Variants in MSRA observed in about 807,000 individuals in gnomAD.
The protein encoded by MSRA is mitochondrial peptide methionine sulfoxide reductase.
Under a neutral mutation model 31.3 loss-of-function variants are expected in MSRA, and 54 were observed. The observed-to-expected ratio is 1.73, with a 90% CI of 1.39 to 2.17. The LOEUF is 2.17. Ranked by LOEUF, MSRA falls within the 30% of genes most tolerant of loss-of-function variation. The pLI is 0.00. For missense variants in MSRA, 507 were observed against 300.9 expected (o/e 1.69, Z -5.07); for synonymous variants, 169 against 116.5 (o/e 1.45, Z -2.90).
chr8:10,283,836 T>TATATATATATATATATACACAC (rs1261287031), intron 3 of MSRA, among the ~76,000 whole-genome samples: 6 of 53,156 alleles, frequency 1.1e-4, no homozygotes, highest in Admixed American at 2.5e-4. Flanking sequence ...TATATATATA[T>TATATATATATATATATACACAC]ACACACACAC....
At chr8:10,104,472 C>G (rs1435033157) in intron 1 of MSRA, among the ~76,000 whole-genome samples, 2 of 152,050 alleles carry the variant, frequency 1.3e-5, no homozygotes, top group Non-Finnish European at 2.9e-5. Flanking sequence ...CTGGTTTGAT[C>G]TGGAAGGGCA....
At chr8:10,284,772 C>A (rs978311285) in intron 3 of MSRA, among the ~76,000 whole-genome samples, 1 of 152,130 alleles carries the variant, frequency 6.6e-6, no homozygotes, top group African/African-American at 2.4e-5. Flanking sequence ...CTGTGCCTAA[C>A]TGTCCTCATC....
intron 2 of MSRA, among the ~76,000 whole-genome samples, chr8:10,213,466 T>G: frequency 8.0e-6 from 1 of 125,488 alleles, no homozygotes; most frequent in Non-Finnish European, 1.6e-5. Context: ...TGAGACAGAG[T>G]CTTGCCCTCA....
intron 5 of MSRA, among the ~76,000 whole-genome samples, chr8:10,396,092 C>G (rs1445276538): frequency 2.6e-5 from 4 of 152,194 alleles, no homozygotes; most frequent in Non-Finnish European, 4.4e-5. Flanking sequence ...CTTTTCATCT[C>G]TCAGGCCTGA....
At chr8:10,418,802 A>G (rs1177217577) in intron 5 of MSRA, among the ~76,000 whole-genome samples, 2 of 103,796 alleles carry the variant, frequency 1.9e-5, no homozygotes, top group Non-Finnish European at 3.6e-5. Flanking sequence ...TGTTATGTGT[A>G]TTTTACTACG....
chr8:10,111,100 C>T (rs1280096688), intron 1 of MSRA, among the ~76,000 whole-genome samples: 1 of 152,118 alleles, frequency 6.6e-6, no homozygotes, highest in Non-Finnish European at 1.5e-5. Flanking sequence ...ATCTTAGTCT[C>T]CCAGTAGGAC....
At chr8:10,110,670 T>A (rs1472634528) in intron 1 of MSRA, among the ~76,000 whole-genome samples, 4 of 152,366 alleles carry the variant, frequency 2.6e-5, no homozygotes, top group African/African-American at 4.8e-5. Flanking sequence ...TCAAATGTCT[T>A]GATTTTCACA....
At chr8:10,197,265 C>T (rs2409623) in intron 1 of MSRA, among the ~76,000 whole-genome samples, 73,361 of 151,966 alleles carry the variant, frequency 0.48, 17,983 homozygotes, top group South Asian at 0.59. Flanking sequence ...TTATCACAGA[C>T]GCCTAAGTTA....
chr8:10,164,478 G>A (rs1804946397), intron 1 of MSRA, among the ~76,000 whole-genome samples: 1 of 152,122 alleles, frequency 6.6e-6, no homozygotes, highest in Admixed American at 6.6e-5. Context: ...GGCTGTGCTG[G>A]TTTTGACCCC....
intron 1 of MSRA, among the ~76,000 whole-genome samples, chr8:10,153,063 A>G (rs991826634): frequency 6.6e-6 from 1 of 152,214 alleles, no homozygotes; most frequent in Admixed American, 6.5e-5. Context: ...TGCAAGGTGA[A>G]AAATTGCTGG....
rs1037131171 is a variant in MSRA at position 10,336,429 on chromosome 8, A to T, written c.543+16440A>T. Among the ~76,000 whole-genome samples the T allele has an allele frequency of 5.3e-4, 81 of 151,688 alleles. 1 individual carries two copies. The highest frequency in any genetic ancestry group is 4.8e-3 in the Admixed American group (73 of 15,238). ...CAAGCACATGTGATAGAAAAAAAAA[A>T]TTTTAATCCTTTTTTTTTTTTCATT... On this transcript the variant is annotated intron_variant, in intron 5 of 5. Coordinates refer to ENST00000317173, the MANE Select transcript of MSRA (RefSeq NM_012331.5).
intron 5 of MSRA, chr8:10,353,864 C>T (rs1320171018): frequency 5.0e-6 from 1 of 200,720 alleles, no homozygotes; most frequent in Admixed American, 5.7e-5. Flanking sequence ...GGAAACTTTA[C>T]ATTTCAGAAA....
At chr8:10,219,991 T>C (rs1810353291) in intron 2 of MSRA, among the ~76,000 whole-genome samples, 1 of 151,952 alleles carries the variant, frequency 6.6e-6, no homozygotes, top group Non-Finnish European at 1.5e-5. Context: ...TGGGATTCAG[T>C]TGAAGCAACA....
At chr8:10,419,370 T>G (rs1808676496) in intron 5 of MSRA, among the ~76,000 whole-genome samples, 1 of 152,180 alleles carries the variant, frequency 6.6e-6, no homozygotes, top group South Asian at 2.1e-4. Context: ...GCATGTGAAT[T>G]TGAATAAGAT....
At chr8:10,308,908 G>A (rs1391876263) in intron 4 of MSRA, among the ~76,000 whole-genome samples, 1 of 152,214 alleles carries the variant, frequency 6.6e-6, no homozygotes, top group East Asian at 1.9e-4. Context: ...AGGATTAAAT[G>A]GAATTAGGAT....
At chr8:10,412,833 G>C (rs1429805934) in intron 5 of MSRA, among the ~76,000 whole-genome samples, 1 of 152,228 alleles carries the variant, frequency 6.6e-6, no homozygotes, top group African/African-American at 2.4e-5. Flanking sequence ...TCCTGGGAAT[G>C]ACACAGAGCA....
intron 3 of MSRA, among the ~76,000 whole-genome samples, chr8:10,269,853 G>C (rs1299299580): frequency 6.6e-6 from 1 of 151,966 alleles, no homozygotes; most frequent in Non-Finnish European, 1.5e-5. Context: ...GGGTTTCACC[G>C]TGTTAGCCAG....
At chr8:10,129,716 C>A (rs1355024578) in intron 1 of MSRA, among the ~76,000 whole-genome samples, 3 of 151,926 alleles carry the variant, frequency 2.0e-5, no homozygotes, top group Non-Finnish European at 4.4e-5. Context: ...CCTGGAGGTT[C>A]AAAAAAGCAA....
Position 10,384,019 on chromosome 8 carries a change from C to A in MSRA, c.544-44129C>A, listed in dbSNP as rs562501658. ...ATGCCTGCAGAGCTGAGAGTCACCC[C>A]GAAATCCGTGACTCTGGAGCCCCCT... On this transcript the variant is annotated intron_variant, in intron 5 of 5. Transcript: ENST00000317173. Among the ~76,000 whole-genome samples, 4 of 152,230 alleles carry A rather than the reference C, an allele frequency of 2.6e-5. No individual in the cohort carries two copies. The East Asian group carries it at 7.7e-4, about 29-fold the overall frequency.
Sources: gnomAD v4.1 joint callset for allele counts (sites outside exome capture counted in the v4.1 genomes callset) on GRCh38, gnomAD v4.1.1 for gene constraint, MANE v1.5 for transcripts, NCBI Gene and HGNC (gene_info 2026-07-23, HGNC 2026-07-21) for gene names.